The following TM6SF2 variants were observed in gnomAD, a reference collection of about 807,000 sequenced individuals.
TM6SF2 encodes transmembrane 6 superfamily member 2.
In TM6SF2, 29 loss-of-function variants were observed where a neutral mutation model predicts 41.0. That is an observed-to-expected ratio of 0.71 (90% CI 0.53 to 0.96). The LOEUF (loss-of-function observed/expected upper bound fraction) is 0.96. Ranked by LOEUF, TM6SF2 falls within the 50% of genes least tolerant of loss-of-function variation. TM6SF2 has a pLI of 0.00. For missense variants in TM6SF2, 475 were observed against 499.0 expected (o/e 0.95, Z 0.46); for synonymous variants, 200 against 209.1 (o/e 0.96, Z 0.37).
rs781763445 is a variant in TM6SF2, at chr19:19,264,768, C to A, written c.1030G>T (p.Ala344Ser). The A allele has an allele frequency of 1.4e-5, 22 of 1,610,366 alleles. No homozygotes were observed. The highest frequency in any genetic ancestry group is 1.9e-5 in the Non-Finnish European group (22 of 1,178,502). The change falls in exon 10 of 10, where the codon GCG becomes TCG. Residue 344 changes from alanine to serine, a missense_variant. Physicochemically the swap from Ala to Ser is moderately conservative, Grantham distance 99. This residue lies in a region of TM6SF2 where 190 missense variants were observed against 190.2 expected (regional missense o/e 1.00). Transcript: ENST00000389363. The stretch of plus-strand genomic sequence containing the variant: ...TAGGCCAGCAGGTGGGGGCCCAGCG[C>A]ATACAGCAGATTGCACACGAAGAAG... ...GCFFVCNLLY[A>S]LGPHLLAYRC...
chr19:19,269,758 C>A lies in TM6SF2; in HGVS notation c.413G>T (p.Arg138Leu), dbSNP rs369198322. Reference sequence around the variant, plus strand: ...ACCCAGCCAGTAGAGTCCAAAATTCCGGTATCTCTTCCTGAGCAGGGGATG... The same window carrying A: ...ACCCAGCCAGTAGAGTCCAAAATTCAGGTATCTCTTCCTGAGCAGGGGATG... The part of the protein sequence containing the change: ...AGAICRRKRY[R>L]NFGLYWLGSF... Residue 138 changes from arginine to leucine, a missense_variant, in exon 5 of 10, where the codon CGG becomes CTG. Arg to Leu is a moderately radical substitution (Grantham distance 102, BLOSUM62 -2). This residue lies in a region of TM6SF2 where 238 missense variants were observed against 228.6 expected (regional missense o/e 1.04). Transcript: ENST00000389363. 3 of 1,614,108 alleles carry A rather than the reference C, an allele frequency of 1.9e-6. No individual in the cohort carries two copies. The highest frequency in any genetic ancestry group is 2.5e-6 in the Non-Finnish European group (3 of 1,180,000).
At chr19:19,272,728 T>A (rs10419998) in intron 1 of TM6SF2, among the ~76,000 whole-genome samples, 6,239 of 149,764 alleles carry the variant, frequency 0.042, 353 homozygotes, top group African/African-American at 0.12. Context: ...TGTGTGTGTG[T>A]GAGCAGGAGT....
At chr19:19,266,400 T>G in intron 9 of TM6SF2, 90 bp downstream of exon 9, 2 of 1,555,732 alleles carry the variant, frequency 1.3e-6, no homozygotes, top group Non-Finnish European at 1.7e-6. Flanking sequence ...GGCTCATCAT[T>G]ACAGTGCCCA....
At chr19:19,270,301 G>A (rs1428197608) in intron 3 of TM6SF2, 25 bp from the exon 4 acceptor site, 1 of 1,614,210 alleles carries the variant, frequency 6.2e-7, no homozygotes, top group Non-Finnish European at 8.5e-7. Context: ...GGGAGACTCA[G>A]ACGGGCAGTG....
chr19:19,268,942 G>A (rs1002101646), intron 5 of TM6SF2, among the ~76,000 whole-genome samples, 188 bp from the exon 6 acceptor site: 2 of 152,130 alleles, frequency 1.3e-5, no homozygotes, highest in African/African-American at 4.8e-5. Context: ...CTGAGTAGCT[G>A]GGATTATACC....
At chr19:19,270,085 C>G in intron 4 of TM6SF2, 88 bp downstream of exon 4, 1 of 1,575,886 alleles carries the variant, frequency 6.3e-7, no homozygotes, top group Non-Finnish European at 8.6e-7. Flanking sequence ...CCTACAGACA[C>G]TTCTGGCTCC....
intron 4 of TM6SF2, chr19:19,269,972 G>T (rs1010281856): frequency 2.0e-6 from 3 of 1,482,520 alleles, no homozygotes; most frequent in Non-Finnish European, 2.7e-6. Flanking sequence ...CAGGCACAGG[G>T]TGGATGTAAG....
chr19:19,264,942 G>T, intron 9 of TM6SF2, 69 bp from the exon 10 acceptor site: 1 of 1,253,422 alleles, frequency 8.0e-7, no homozygotes, highest in Non-Finnish European at 1.1e-6. Context: ...ATCACCGACA[G>T]CCCCCCAGGT....
rs199962010 is a variant in TM6SF2, at chr19:19,264,724, G to A, written c.1074C>T (p.Pro358=). The A allele has an allele frequency of 1.5e-4, 238 of 1,598,192 alleles. No homozygotes were observed. The highest frequency in any genetic ancestry group is 1.9e-4 in the Non-Finnish European group (221 of 1,172,240). The change falls in exon 10 of 10, where the codon CCC becomes CCT. Residue 358 remains proline, a synonymous_variant. Coordinates refer to ENST00000389363, the MANE Select transcript of TM6SF2 (RefSeq NM_001001524.3). ...AGGGTGGTGGCTGGTGGAAGAATGC[G>A]GGCCACTGAAGGCAACGGTAGGCCA... ...HLLAYRCLQW[P]AFFHQPPPSD...
chr19:19,271,412 C>T (rs1330134403), intron 1 of TM6SF2, among the ~76,000 whole-genome samples: 1 of 152,252 alleles, frequency 6.6e-6, no homozygotes, highest in Non-Finnish European at 1.5e-5. Flanking sequence ...GAAGCGCTCC[C>T]TGACTCCCCA....
In TM6SF2 at chr19:19,271,107, C is replaced by T; in HGVS notation, c.114G>A (p.Leu38=). The change falls in exon 2 of 10, where the codon TTG becomes TTA. Residue 38 remains leucine (L), a synonymous_variant. Coordinates refer to ENST00000389363, the MANE Select transcript of TM6SF2 (RefSeq NM_001001524.3). ...GCAGACCCAGGATTAGGGCGCTCAT[C>T]AATGCCACCCACAGGGGGCTGTGGA... ...SALSHPLWVA[L]MSALILGLLF... 6.2e-7 allele frequency: 1 copy of T among 1,614,202 alleles called. No homozygotes were observed. The highest frequency in any genetic ancestry group is 8.5e-7 in the Non-Finnish European group (1 of 1,180,026).
rs1237707123 is a variant in TM6SF2, at chr19:19,264,742, G to A, written c.1056C>T (p.Tyr352=). 6.2e-7 allele frequency: 1 copy of A among 1,606,222 alleles called. No individual in the cohort carries two copies. Among genetic ancestry groups the A allele is most frequent in the Non-Finnish European group, 8.5e-7 (1 of 1,176,404 alleles). ...AGAATGCGGGCCACTGAAGGCAACG[G>A]TAGGCCAGCAGGTGGGGGCCCAGCG... The part of the protein sequence containing the change: ...LYALGPHLLA[Y]RCLQWPAFFH... Residue 352 remains tyrosine (Y), a synonymous_variant, in exon 10 of 10, where the codon TAC becomes TAT. Transcript: ENST00000389363.
In TM6SF2 at chr19:19,269,700, T is replaced by C. The variant is rs768680912; in HGVS notation, c.471A>G (p.Thr157=). The change falls in exon 5 of 10, where the codon ACA becomes ACG. Residue 157 remains threonine (T), a synonymous_variant. Transcript: ENST00000389363. ...SFAMSILVFL[T]GNILGKYSSE... ...CCTTGTCCTTACCAAGAATGTTTCC[T>C]GTAAGGAACACCAGGATGCTCATGG... 6.2e-6 allele frequency: 10 copies of C among 1,614,128 alleles called. No individual in the cohort carries two copies. Among genetic ancestry groups the C allele is most frequent in the Non-Finnish European group, 8.5e-6 (10 of 1,180,010 alleles).
At chr19:19,270,944 C>T in intron 2 of TM6SF2, 78 bp downstream of exon 2, 1 of 1,210,200 alleles carries the variant, frequency 8.3e-7, no homozygotes, top group Non-Finnish European at 1.2e-6. Context: ...TGGAGGAGGC[C>T]CCTTAATGGC....
intron 1 of TM6SF2, among the ~76,000 whole-genome samples, chr19:19,272,860 C>A (rs532107426): frequency 3.5e-4 from 53 of 152,282 alleles, no homozygotes; most frequent in African/African-American, 1.2e-3. Context: ...GGGGACTCAT[C>A]ATTCCTTCTT....
At position 19,270,955 on chromosome 19, in the gene TM6SF2, C is replaced by T. The variant is rs2146579864; in HGVS notation, c.199+67G>A. The T allele has an allele frequency of 6.5e-6, 9 of 1,383,852 alleles. No homozygotes were observed. The South Asian group carries it at 9.3e-5, about 14-fold the overall frequency. 85.7% of individuals were successfully genotyped at this position (1,383,852 alleles called of 1,614,324 possible). On this transcript the variant is annotated intron_variant, in intron 2 of 9. Coordinates refer to ENST00000389363, the MANE Select transcript of TM6SF2 (RefSeq NM_001001524.3). ...CTGATGGAGGAGGCCCCTTAATGGC[C>T]CCCAAGTCTGAGGGTGGAGGCCCTT...
At chr19:19,272,834 C>G (rs1305705425) in intron 1 of TM6SF2, among the ~76,000 whole-genome samples, 1 of 152,076 alleles carries the variant, frequency 6.6e-6, no homozygotes, top group Non-Finnish European at 1.5e-5. Context: ...AGAAACCCTC[C>G]AAAGCTCTGG....
Position 19,268,730 on chromosome 19 carries a change from G to A in TM6SF2, c.509C>T (p.Pro170Leu). The change falls in exon 6 of 10, where the codon CCT (proline) becomes CTT (leucine). Residue 170 changes from proline (P) to leucine (L), a missense_variant. Around this residue, in one of 3 missense-constraint regions of TM6SF2, gnomAD observed 238 missense variants for 228.6 expected, o/e 1.04. Coordinates refer to ENST00000389363, the MANE Select transcript of TM6SF2 (RefSeq NM_001001524.3). ...GTAGGGGATGGTGAGGAAGAAGGCA[G>A]GCCTGATCTCGGAGCTGTATTTGCC... Reference protein sequence around the residue: ...ILGKYSSEIRPAFFLTIPYLL... With the variant: ...ILGKYSSEIRLAFFLTIPYLL... The A allele has an allele frequency of 6.2e-7, 1 of 1,605,756 alleles. No homozygotes were observed. The highest frequency in any genetic ancestry group is 8.5e-7 in the Non-Finnish European group (1 of 1,177,138).
At chr19:19,265,761 C>A (rs2061001302) in intron 9 of TM6SF2, among the ~76,000 whole-genome samples, 1 of 152,042 alleles carries the variant, frequency 6.6e-6, no homozygotes, top group Admixed American at 6.6e-5. Context: ...CCTGTCTGTC[C>A]CTCCCTGTGC....
Sources: allele counts gnomAD v4.1 joint callset (sites outside exome capture counted in the v4.1 genomes callset), GRCh38; gene constraint gnomAD v4.1.1; regional missense constraint gnomAD v4.1.1; transcripts MANE v1.5; gene names NCBI Gene and HGNC (gene_info 2026-07-23, HGNC 2026-07-21).